MSH3: variants seen among roughly 807,000 people sequenced by gnomAD.
MSH3 encodes mutS homolog 3, also known as DNA mismatch repair protein Msh3.
In MSH3, 106 loss-of-function variants were observed where a neutral mutation model predicts 123.3. The observed-to-expected ratio is 0.86, with a 90% CI of 0.73 to 1.01. The LOEUF (loss-of-function observed/expected upper bound fraction) is 1.01, where lower values mean the gene tolerates loss of function less well. Ranked by LOEUF, MSH3 falls within the 50% of genes least tolerant of loss-of-function variation. MSH3 has a pLI of 0.00. For synonymous variants in MSH3, 515 were observed against 481.4 expected (o/e 1.07, Z -0.91); for missense variants, 1,459 against 1,347.6 (o/e 1.08, Z -1.29).
chr5:80,714,599 TAACA>T (rs1240268494), intron 8 of MSH3, among the ~76,000 whole-genome samples: 1 of 152,208 alleles, frequency 6.6e-6, no homozygotes, highest in Non-Finnish European at 1.5e-5. Flanking sequence ...ACGATGAATT[TAACA>T]TTCTTGTAAA....
chr5:80,846,918 G>T (rs1050507607), intron 20 of MSH3, among the ~76,000 whole-genome samples: 1 of 152,054 alleles, frequency 6.6e-6, no homozygotes, highest in Non-Finnish European at 1.5e-5. Flanking sequence ...TCCATAGGCT[G>T]CACCCACTGT....
intron 2 of MSH3, among the ~76,000 whole-genome samples, chr5:80,660,936 T>C (rs1201694344): frequency 6.6e-6 from 1 of 152,076 alleles, no homozygotes; most frequent in Non-Finnish European, 1.5e-5. Flanking sequence ...GTAGCTGGGA[T>C]TACAGGCACT....
chr5:80,739,920 C>T (rs977088537), intron 10 of MSH3, among the ~76,000 whole-genome samples: 1 of 152,114 alleles, frequency 6.6e-6, no homozygotes, highest in Non-Finnish European at 1.5e-5. Flanking sequence ...TTTCTTAACT[C>T]GGGAAACTGG....
At chr5:80,844,130 T>C (rs1415601356) in intron 20 of MSH3, among the ~76,000 whole-genome samples, 1 of 152,090 alleles carries the variant, frequency 6.6e-6, no homozygotes, top group Non-Finnish European at 1.5e-5. Flanking sequence ...AAGAACACTT[T>C]TATTTCTGCC....
At chr5:80,689,448 A>G (rs904868516) in intron 8 of MSH3, among the ~76,000 whole-genome samples, 1 of 152,168 alleles carries the variant, frequency 6.6e-6, no homozygotes, top group Admixed American at 6.5e-5. Context: ...GGAAAAAATA[A>G]TTCTTGCTAA....
chr5:80,727,498 C>T lies in MSH3; in HGVS notation c.1454-1353C>T, dbSNP rs867328111. Reference sequence around the variant, plus strand: ...TAAGGAAAAAAGTAAAGTGCCTGCCCTCAAACTTGTCCTCTGCCCTTGCAG... The same window carrying T: ...TAAGGAAAAAAGTAAAGTGCCTGCCTTCAAACTTGTCCTCTGCCCTTGCAG... On this transcript the variant is annotated intron_variant, in intron 9 of 23. Transcript: ENST00000265081. Among the ~76,000 whole-genome samples, 3 of 152,166 alleles carry T rather than the reference C, an allele frequency of 2.0e-5. No individual in the cohort carries two copies. The South Asian group carries it at 6.2e-4, about 31-fold the overall frequency.
intron 13 of MSH3, among the ~76,000 whole-genome samples, chr5:80,762,790 T>TTTATTTTATGTTATGTTATGTTATG (rs1554072034): frequency 1.2e-3 from 162 of 132,976 alleles, no homozygotes; most frequent in African/African-American, 4.2e-3. Flanking sequence ...TTTATTTTAT[T>TTTATTTTATGTTATGTTATGTTATG]TTATGTTATG....
chr5:80,699,299 C>T (rs1428492748), intron 8 of MSH3, among the ~76,000 whole-genome samples: 1 of 152,042 alleles, frequency 6.6e-6, no homozygotes, highest in East Asian at 1.9e-4. Flanking sequence ...TGGCTCATAC[C>T]TGTAATCCCA....
At chr5:80,765,695 G>T (rs1039685191) in intron 13 of MSH3, among the ~76,000 whole-genome samples, 1 of 152,112 alleles carries the variant, frequency 6.6e-6, no homozygotes, top group Non-Finnish European at 1.5e-5. Flanking sequence ...TGGACTGGTT[G>T]TCCCCATATC....
intron 20 of MSH3, among the ~76,000 whole-genome samples, chr5:80,817,573 AT>A (rs1321948376): frequency 1.3e-4 from 20 of 152,248 alleles, no homozygotes; most frequent in Admixed American, 9.2e-4. Context: ...AAATAAATAA[AT>A]TAATTAATTA....
In MSH3 at chr5:80,768,961, A is replaced by C; in HGVS notation, c.2211A>C (p.Leu737=). The part of the protein sequence containing the change: ...RMHLQEIRKI[L]KNPSAQYVTV... ...ATTTGCAAGAAATACGAAAAATACT[A>C]AAAAATCCTTCTGCACAATATGTGA... The change falls in exon 15 of 24, where the codon CTA becomes CTC. Residue 737 remains leucine, a synonymous_variant. Coordinates refer to ENST00000265081, the MANE Select transcript of MSH3 (RefSeq NM_002439.5). 6.2e-7 allele frequency: 1 copy of C among 1,613,036 alleles called. No individual in the cohort carries two copies. Among genetic ancestry groups the C allele is most frequent in the Non-Finnish European group, 8.5e-7 (1 of 1,179,254 alleles).
intron 8 of MSH3, among the ~76,000 whole-genome samples, chr5:80,695,422 C>T (rs1750455476): frequency 6.6e-6 from 1 of 151,990 alleles, no homozygotes; most frequent in Non-Finnish European, 1.5e-5. Flanking sequence ...GCAACCTCCG[C>T]CCCCCGGGTT....
intron 12 of MSH3, among the ~76,000 whole-genome samples, chr5:80,749,353 A>C (rs1029573949): frequency 6.6e-6 from 1 of 152,218 alleles, no homozygotes; most frequent in Non-Finnish European, 1.5e-5. Context: ...GTTCAAGGGC[A>C]GGAAGCATCC....
chr5:80,812,487 T>C (rs1745025378), intron 19 of MSH3, among the ~76,000 whole-genome samples: 1 of 152,136 alleles, frequency 6.6e-6, no homozygotes, highest in Non-Finnish European at 1.5e-5. Flanking sequence ...TACCAAGTAA[T>C]TGAACCTCAC....
At chr5:80,711,189 A>G (rs1435637039) in intron 8 of MSH3, among the ~76,000 whole-genome samples, 2 of 152,198 alleles carry the variant, frequency 1.3e-5, no homozygotes, top group Admixed American at 1.3e-4. Flanking sequence ...TGAACAGCCC[A>G]GCTCTCATTG....
chr5:80,853,687 A>G (rs538141863), intron 20 of MSH3, among the ~76,000 whole-genome samples: 7 of 152,294 alleles, frequency 4.6e-5, no homozygotes, highest in South Asian at 4.1e-4. Context: ...CTTACTTTAT[A>G]TGTAGTACTT....
chr5:80,748,110 T>C (rs1397909013), intron 12 of MSH3, among the ~76,000 whole-genome samples: 1 of 152,184 alleles, frequency 6.6e-6, no homozygotes. Flanking sequence ...AAATAATGGA[T>C]GACGAGGGGA....
At chr5:80,736,243 T>G (rs968138843) in intron 10 of MSH3, among the ~76,000 whole-genome samples, 3 of 22,230 alleles carry the variant, frequency 1.3e-4, no homozygotes, top group African/African-American at 5.3e-4. Flanking sequence ...CCCACCCCCC[T>G]AAAAAAGAAA....
At chr5:80,731,060 G>A (rs758476167) in intron 10 of MSH3, among the ~76,000 whole-genome samples, 41 of 151,306 alleles carry the variant, frequency 2.7e-4, no homozygotes, top group Non-Finnish European at 1.3e-4. Context: ...ACGCCACCGC[G>A]CCCAGCTAAT....
Sources: allele counts gnomAD v4.1 joint callset (sites outside exome capture counted in the v4.1 genomes callset), GRCh38; gene constraint gnomAD v4.1.1; transcripts MANE v1.5; gene names NCBI Gene and HGNC (gene_info 2026-07-23, HGNC 2026-07-21).